Variants in DSCAM observed in about 807,000 individuals in gnomAD.
DSCAM encodes the protein cell adhesion molecule DSCAM.
Under a neutral mutation model 217.7 loss-of-function variants are expected in DSCAM, and 47 were observed. The ratio of observed to expected loss-of-function variants is 0.22; its 90% CI spans 0.17 to 0.28. The LOEUF is 0.28. DSCAM is among the 10% of genes least tolerant of loss of function. The pLI, the probability that DSCAM is intolerant of heterozygous loss-of-function variation, is 1.00. For synonymous variants in DSCAM, 1,056 were observed against 1,015.3 expected, an observed-to-expected ratio of 1.04 and a Z score of -0.76; for missense variants, 2,080 against 2,618.3, an observed-to-expected ratio of 0.79 and a Z score of 4.49.
chr21:40,611,397 A>G (rs1168464133), intron 3 of DSCAM, among the ~76,000 whole-genome samples: 1 of 152,200 alleles, frequency 6.6e-6, no homozygotes, highest in East Asian at 1.9e-4. Flanking sequence ...AACACAGCGT[A>G]TCAAAACTAT....
intron 28 of DSCAM, among the ~76,000 whole-genome samples, chr21:40,058,829 C>T (rs1482260350): frequency 6.6e-6 from 1 of 152,176 alleles, no homozygotes; most frequent in Non-Finnish European, 1.5e-5. Flanking sequence ...CATTTGCAAC[C>T]TGGAAAAACA....
chr21:40,281,820 C>A (rs985407108), intron 10 of DSCAM, among the ~76,000 whole-genome samples: 8 of 152,152 alleles, frequency 5.3e-5, no homozygotes, highest in African/African-American at 1.9e-4. Context: ...TTATCCCTTA[C>A]CCATTTTTCT....
At chr21:40,362,222 G>A (rs571053474) in intron 4 of DSCAM, among the ~76,000 whole-genome samples, 14 of 151,822 alleles carry the variant, frequency 9.2e-5, no homozygotes, top group Admixed American at 5.9e-4. Flanking sequence ...GAATAGTGCC[G>A]CAATAAACAT....
intron 3 of DSCAM, among the ~76,000 whole-genome samples, chr21:40,444,095 A>G (rs2837627): frequency 0.21 from 31,985 of 152,104 alleles, 3,362 homozygotes; most frequent in Middle Eastern, 0.27. Context: ...TCCAGCATTA[A>G]TAGGGGCTAC....
chr21:40,152,390 TTTCCCATGTTGAACTTTAC>T (rs1162249061), intron 16 of DSCAM, among the ~76,000 whole-genome samples: 1 of 152,230 alleles, frequency 6.6e-6, no homozygotes, highest in African/African-American at 2.4e-5. Flanking sequence ...AAAGATTGTT[TTTCCCATGTTGAACTTTAC>T]TCCCCCATTC....
In DSCAM at chr21:40,609,248, C is replaced by T. The variant is rs543897613; in HGVS notation, c.508+83562G>A. On this transcript the variant is annotated intron_variant, in intron 3 of 32. Transcript: ENST00000400454. ...GGTACTACAGGCATGAGCCACCGCGCCCAGCCTGCTTCAGATTTTTAAATC... is the reference window on the plus strand; with the variant it reads ...GGTACTACAGGCATGAGCCACCGCGTCCAGCCTGCTTCAGATTTTTAAATC... 1.9e-4 allele frequency among the ~76,000 whole-genome samples: 29 copies of T among 152,280 alleles called. No individual in the cohort carries two copies. The South Asian group carries it at 5.6e-3, about 29-fold the overall frequency.
intron 32 of DSCAM, among the ~76,000 whole-genome samples, chr21:40,021,677 G>GA (rs1322343485): frequency 1.3e-5 from 2 of 152,136 alleles, no homozygotes; most frequent in African/African-American, 4.8e-5. Context: ...GCCCTCTGGG[G>GA]ACCTTCAGTG....
At chr21:40,047,130 G>A (rs2146487576) in intron 30 of DSCAM, among the ~76,000 whole-genome samples, 1 of 152,170 alleles carries the variant, frequency 6.6e-6, no homozygotes, top group Admixed American at 6.5e-5. Context: ...GCGCTAGGCA[G>A]GCATCCTAGG....
chr21:40,121,679 G>GTGTTTTTTTTTTTTTTTTTTT (rs1568951642), intron 20 of DSCAM, among the ~76,000 whole-genome samples: 1 of 76,714 alleles, frequency 1.3e-5, no homozygotes, highest in African/African-American at 4.8e-5. Flanking sequence ...TCTCATTACT[G>GTGTTTTTTTTTTTTTTTTTTT]TCTTTTTTTT....
intron 3 of DSCAM, among the ~76,000 whole-genome samples, chr21:40,456,297 T>A (rs138984690): frequency 6.6e-6 from 1 of 151,660 alleles, no homozygotes; most frequent in African/African-American, 2.4e-5. Flanking sequence ...AGAAAAAAAA[T>A]TTTTTAGAGT....
At chr21:40,251,645 T>C (rs8130487) in intron 11 of DSCAM, among the ~76,000 whole-genome samples, 74,091 of 151,992 alleles carry the variant, frequency 0.49, 18,631 homozygotes, top group African/African-American at 0.6. Context: ...GATTCCAAGA[T>C]AGCCCCCAGT....
chr21:40,307,945 A>AG (rs1173836633), intron 9 of DSCAM, among the ~76,000 whole-genome samples: 1 of 104,876 alleles, frequency 9.5e-6, no homozygotes, highest in Non-Finnish European at 1.9e-5. Context: ...GGATGAGGGG[A>AG]GGGGGGAGGG....
At chr21:40,385,948 C>A (rs1326239559) in intron 3 of DSCAM, among the ~76,000 whole-genome samples, 1 of 152,164 alleles carries the variant, frequency 6.6e-6, no homozygotes, top group Non-Finnish European at 1.5e-5. Flanking sequence ...ATTTTGCCTT[C>A]GTGCTTTCAA....
intron 11 of DSCAM, among the ~76,000 whole-genome samples, chr21:40,264,945 T>G (rs1469445611): frequency 7.3e-6 from 1 of 137,792 alleles, no homozygotes; most frequent in African/African-American, 3.0e-5. Context: ...ACGCCTGACT[T>G]TGGGAGGCCA....
intron 1 of DSCAM, among the ~76,000 whole-genome samples, chr21:40,803,678 T>C (rs1163034275): frequency 6.6e-6 from 1 of 152,148 alleles, no homozygotes; most frequent in East Asian, 1.9e-4. Context: ...GACTTTAGTA[T>C]ATATAGAATA....
At chr21:40,784,009 T>C (rs2091570072) in intron 1 of DSCAM, among the ~76,000 whole-genome samples, 1 of 150,984 alleles carries the variant, frequency 6.6e-6, no homozygotes, top group African/African-American at 2.4e-5. Context: ...AATTTTCTTT[T>C]AAAACAAATT....
At chr21:40,664,295 G>A (rs1004295681) in intron 3 of DSCAM, among the ~76,000 whole-genome samples, 17 of 152,170 alleles carry the variant, frequency 1.1e-4, no homozygotes, top group Non-Finnish European at 2.4e-4. Context: ...GACTTCCATT[G>A]TATTTTCTCA....
chr21:40,455,198 C>G (rs894598032), intron 3 of DSCAM, among the ~76,000 whole-genome samples: 3 of 152,108 alleles, frequency 2.0e-5, no homozygotes, highest in Non-Finnish European at 2.9e-5. Context: ...ACTGGAAAAA[C>G]AAGTGGAACA....
At position 40,678,896 on chromosome 21, in the gene DSCAM, C is replaced by T. The variant is rs1237527527; in HGVS notation, c.508+13914G>A. On this transcript the variant is annotated intron_variant, in intron 3 of 32. Transcript: ENST00000400454. ...TCTCGGCATGTCAGCCTCGCCTTGA[C>T]TTGCACTGTCCTGCTTTTTAACAAA... Among the ~76,000 whole-genome samples, 3 of 152,216 alleles carry T rather than the reference C, an allele frequency of 2.0e-5. No homozygotes were observed. The East Asian group carries it at 5.8e-4, about 29-fold the overall frequency.
Sources: gnomAD v4.1 joint callset for allele counts (sites outside exome capture counted in the v4.1 genomes callset) on GRCh38, gnomAD v4.1.1 for gene constraint, MANE v1.5 for transcripts, NCBI Gene and HGNC (gene_info 2026-07-23, HGNC 2026-07-21) for gene names.